LARS2: variants seen among roughly 807,000 people sequenced by gnomAD.
LARS2 encodes the protein leucyl-tRNA synthetase 2, mitochondrial.
Under a neutral mutation model 116.6 loss-of-function variants are expected in LARS2, and 81 were observed. The ratio of observed to expected loss-of-function variants is 0.69; its 90% confidence interval spans 0.58 to 0.84. The LOEUF (loss-of-function observed/expected upper bound fraction) is 0.84, where lower values mean the gene tolerates loss of function less well. Ranked by LOEUF, LARS2 falls within the 40% of genes least tolerant of loss-of-function variation. The pLI is 0.00. For synonymous variants in LARS2, 396 were observed against 407.2 expected (o/e 0.97, Z 0.33); for missense variants, 968 against 1,114.5 (o/e 0.87, Z 1.87).
chr3:45,514,161 A>T lies in LARS2; in HGVS notation c.1861+926A>T, dbSNP rs375089561. 2.0e-5 allele frequency among the ~76,000 whole-genome samples: 3 copies of T among 152,136 alleles called. No homozygotes were observed. The South Asian group carries it at 6.2e-4, about 32-fold the overall frequency. On this transcript the variant is annotated intron_variant, in intron 16 of 21. Coordinates refer to ENST00000645846, the MANE Select transcript of LARS2 (RefSeq NM_015340.4). ...GTGGAGGTTGCAGTGAGCCAAGATC[A>T]TGCCACTGCACTCCAGCCTGGGCAA... is the stretch of plus-strand genomic sequence containing the variant.
intron 20 of LARS2, among the ~76,000 whole-genome samples, chr3:45,529,106 G>A (rs1334603358): frequency 1.3e-5 from 2 of 151,874 alleles, no homozygotes; most frequent in Admixed American, 1.3e-4. Flanking sequence ...TGACCTCAGG[G>A]GATCTGCCTG....
At chr3:45,507,613 C>A (rs896182574) in intron 15 of LARS2, among the ~76,000 whole-genome samples, 8 of 152,000 alleles carry the variant, frequency 5.3e-5, no homozygotes, top group African/African-American at 1.9e-4. Flanking sequence ...ACAACACTTT[C>A]AATTAAATTA....
chr3:45,390,707 C>A (rs1159969329), intron 1 of LARS2, among the ~76,000 whole-genome samples: 2 of 150,688 alleles, frequency 1.3e-5, no homozygotes, highest in Non-Finnish European at 3.0e-5. Context: ...GGCTGGAGTG[C>A]AGTGGCGTGA....
intron 8 of LARS2, among the ~76,000 whole-genome samples, chr3:45,468,664 G>T (rs1376870766): frequency 6.6e-6 from 1 of 152,222 alleles, no homozygotes; most frequent in Non-Finnish European, 1.5e-5. Flanking sequence ...AGTGGAATTA[G>T]AATTGTTCTG....
At chr3:45,498,653 A>G (rs947573672) in intron 14 of LARS2, among the ~76,000 whole-genome samples, 1 of 152,164 alleles carries the variant, frequency 6.6e-6, no homozygotes, top group African/African-American at 2.4e-5. Context: ...GAACCAATTC[A>G]CAAATATTCG....
chr3:45,424,096 T>C, intron 6 of LARS2, among the ~76,000 whole-genome samples: 1 of 152,064 alleles, frequency 6.6e-6, no homozygotes, highest in Non-Finnish European at 1.5e-5. Flanking sequence ...TATTAATAAG[T>C]AGAGTGCAAG....
At chr3:45,454,383 C>G (rs538615478) in intron 7 of LARS2, among the ~76,000 whole-genome samples, 11 of 152,066 alleles carry the variant, frequency 7.2e-5, no homozygotes, top group African/African-American at 2.7e-4. Context: ...TCCCACAGAT[C>G]ACTCAAGCAA....
intron 12 of LARS2, among the ~76,000 whole-genome samples, chr3:45,490,943 A>G (rs1664077306): frequency 6.6e-6 from 1 of 152,258 alleles, no homozygotes; most frequent in African/African-American, 2.4e-5. Flanking sequence ...TGGTTCTTCA[A>G]GCCGAAGCCT....
intron 8 of LARS2, among the ~76,000 whole-genome samples, chr3:45,461,026 A>G (rs561204671): frequency 6.6e-6 from 1 of 152,290 alleles, no homozygotes; most frequent in South Asian, 2.1e-4. Flanking sequence ...GCAGGAAATT[A>G]TGGCCTAAAA....
intron 18 of LARS2, 92 bp downstream of exon 18, chr3:45,518,164 G>A (rs1700401704): frequency 1.0e-6 from 1 of 973,124 alleles, no homozygotes; most frequent in South Asian, 1.6e-5. Context: ...CCCTGCCTTG[G>A]GTTGGGCCAC....
chr3:45,401,076 G>A (rs1433996702), intron 4 of LARS2, among the ~76,000 whole-genome samples: 2 of 152,160 alleles, frequency 1.3e-5, no homozygotes, highest in African/African-American at 4.8e-5. Context: ...CTCCCAAAGT[G>A]CTGTGATTAC....
intron 4 of LARS2, among the ~76,000 whole-genome samples, chr3:45,409,411 G>A (rs1353609722): frequency 2.0e-5 from 3 of 152,188 alleles, no homozygotes; most frequent in Non-Finnish European, 2.9e-5. Context: ...GCAAGAAAGT[G>A]TACCATGTAT....
chr3:45,457,618 C>T (rs1213267698), intron 7 of LARS2, among the ~76,000 whole-genome samples: 1 of 152,074 alleles, frequency 6.6e-6, no homozygotes, highest in Non-Finnish European at 1.5e-5. Context: ...GCAGAGGTTG[C>T]AGTGAGCCAA....
At chr3:45,437,568 G>A (rs1334779167) in intron 6 of LARS2, among the ~76,000 whole-genome samples, 1 of 152,216 alleles carries the variant, frequency 6.6e-6, no homozygotes, top group Non-Finnish European at 1.5e-5. Context: ...GGAGTCATGA[G>A]GAATCACAGT....
intron 14 of LARS2, among the ~76,000 whole-genome samples, 190 bp downstream of exon 14, chr3:45,496,563 A>G (rs1700014823): frequency 6.6e-6 from 1 of 152,162 alleles, no homozygotes; most frequent in African/African-American, 2.4e-5. Context: ...GTGTGAAAGG[A>G]GAAGGGAAAG....
intron 7 of LARS2, among the ~76,000 whole-genome samples, chr3:45,454,988 G>C (rs143126536): frequency 6.6e-6 from 1 of 152,312 alleles, no homozygotes; most frequent in Non-Finnish European, 1.5e-5. Flanking sequence ...CTCTGTGGCT[G>C]AGGTGGATTG....
chr3:45,532,459 G>C (rs1700629490), intron 20 of LARS2, among the ~76,000 whole-genome samples: 1 of 152,086 alleles, frequency 6.6e-6, no homozygotes, highest in Admixed American at 6.6e-5. Context: ...ACCATGTCAT[G>C]GTAGACTTAA....
chr3:45,531,584 G>A (rs1365629688), intron 20 of LARS2, among the ~76,000 whole-genome samples: 1 of 151,426 alleles, frequency 6.6e-6, no homozygotes, highest in East Asian at 1.9e-4. Context: ...GTGTCTCACT[G>A]TGTTGCCCAG....
intron 8 of LARS2, among the ~76,000 whole-genome samples, chr3:45,463,848 G>A (rs1321167007): frequency 6.6e-6 from 1 of 152,112 alleles, no homozygotes; most frequent in Admixed American, 6.5e-5. Context: ...GAGACGAGGA[G>A]GAGGAGGAGC....
Sources: allele counts gnomAD v4.1 joint callset (sites outside exome capture counted in the v4.1 genomes callset), GRCh38; gene constraint gnomAD v4.1.1; transcripts MANE v1.5; gene names NCBI Gene and HGNC (gene_info 2026-07-23, HGNC 2026-07-21).